The following ACVR1C variants were observed in gnomAD, a reference collection of about 807,000 sequenced individuals.
ACVR1C encodes the protein activin receptor type-1C.
A neutral mutation model predicts 57.9 loss-of-function variants in ACVR1C; 23 were observed. That is an observed-to-expected ratio of 0.40 (90% CI 0.29 to 0.56). The LOEUF is 0.56. Among genes scored for constraint, ACVR1C ranks in the 20% least tolerant of loss-of-function variants. ACVR1C has a pLI of 0.50. For synonymous variants in ACVR1C, 214 were observed against 215.3 expected, an observed-to-expected ratio of 0.99 and a Z score of 0.05; for missense variants, 480 against 607.9, an observed-to-expected ratio of 0.79 and a Z score of 2.21.
chr2:157,542,833 T>G lies in ACVR1C; in HGVS notation c.973A>C (p.Lys325Gln). 1 of 1,614,126 alleles carries G rather than the reference T, an allele frequency of 6.2e-7. No homozygotes were observed. Among genetic ancestry groups the G allele is most frequent in the Non-Finnish European group, 8.5e-7 (1 of 1,179,980 alleles). The change falls in exon 6 of 9, where the codon AAA becomes CAA. Residue 325 changes from lysine (K) to glutamine (Q), a missense_variant. Transcript: ENST00000243349. ...TTTTTCACTAAGATATTCTTTGATT[T>G]TATGTCTCGATGAGCAATAGCAGGT... ...GKPAIAHRDI[K>Q]SKNILVKKCE...
intron 2 of ACVR1C, among the ~76,000 whole-genome samples, chr2:157,556,657 CT>C (rs1169628343): frequency 0.047 from 4,159 of 87,950 alleles, 48 homozygotes; most frequent in African/African-American, 0.12. Flanking sequence ...CAGCAGTACA[CT>C]TTTTTTTTTT....
chr2:157,615,714 T>C (rs886673223), intron 1 of ACVR1C, among the ~76,000 whole-genome samples: 12 of 152,148 alleles, frequency 7.9e-5, no homozygotes, highest in African/African-American at 2.4e-4. Flanking sequence ...TCATGTAGTA[T>C]GGAATATTGG....
chr2:157,628,004 A>G (rs1260655377), intron 1 of ACVR1C, among the ~76,000 whole-genome samples: 2 of 152,232 alleles, frequency 1.3e-5, no homozygotes, highest in Non-Finnish European at 2.9e-5. Flanking sequence ...CCTCGAAAGC[A>G]ATGTGCGTTG....
At chr2:157,598,067 G>A (rs1361619466) in intron 1 of ACVR1C, among the ~76,000 whole-genome samples, 1 of 151,882 alleles carries the variant, frequency 6.6e-6, no homozygotes, top group Non-Finnish European at 1.5e-5. Context: ...TTATATTTAT[G>A]CTCACATAAA....
chr2:157,588,848 C>CATATATATATATATGTATATAT (rs1553484218), intron 1 of ACVR1C, among the ~76,000 whole-genome samples: 6 of 89,094 alleles, frequency 6.7e-5, no homozygotes, highest in Admixed American at 2.3e-4. Context: ...ACAAACACAC[C>CATATATATATATATGTATATAT]ATATATATAT....
chr2:157,604,944 T>C (rs1049720594), intron 1 of ACVR1C, among the ~76,000 whole-genome samples: 1 of 151,984 alleles, frequency 6.6e-6, no homozygotes, highest in Admixed American at 6.5e-5. Flanking sequence ...GATCATGCTT[T>C]TAGTACCCTC....
Position 157,556,168 on chromosome 2 carries a change from C to T in ACVR1C, c.469G>A (p.Glu157Lys). ...TTTCCAGCATTTACCAGATTGCACT[C>T]AGAGAGTGGTTCCTCCACATTTGGT... ...KRPNVEEPLS[E>K]CNLVNAGKTL... The change falls in exon 3 of 9, where the codon GAG becomes AAG. Residue 157 changes from glutamate to lysine, a missense_variant. By Grantham distance (56) the Glu-to-Lys change is moderately conservative (BLOSUM62 1). Coordinates refer to ENST00000243349, the MANE Select transcript of ACVR1C (RefSeq NM_145259.3). 6.2e-7 allele frequency: 1 copy of T among 1,614,080 alleles called. No individual in the cohort carries two copies. Among genetic ancestry groups the T allele is most frequent in the Non-Finnish European group, 8.5e-7 (1 of 1,179,970 alleles).
At chr2:157,544,395 C>A in intron 5 of ACVR1C, 50 bp downstream of exon 5, 1 of 1,518,392 alleles carries the variant, frequency 6.6e-7, no homozygotes, top group Admixed American at 2.0e-5. Flanking sequence ...TAACTAAGTA[C>A]CTCTATCCTC....
chr2:157,537,318 A>G (rs1687514770), intron 8 of ACVR1C, among the ~76,000 whole-genome samples: 1 of 151,970 alleles, frequency 6.6e-6, no homozygotes, highest in Admixed American at 6.6e-5. Flanking sequence ...CAAACCTGGT[A>G]GTGGATTCAC....
intron 2 of ACVR1C, among the ~76,000 whole-genome samples, chr2:157,562,293 CA>C (rs770478516): frequency 0.065 from 8,115 of 125,070 alleles, 363 homozygotes; most frequent in East Asian, 0.22. Context: ...GACACCGTCT[CA>C]AAAAAAAAAA....
intron 1 of ACVR1C, among the ~76,000 whole-genome samples, chr2:157,610,385 A>T (rs1573954005): frequency 1.3e-5 from 2 of 152,218 alleles, no homozygotes; most frequent in Admixed American, 1.3e-4. Flanking sequence ...CTTGTGGCCT[A>T]TAAGGTTTCT....
At chr2:157,581,225 AAAC>A (rs1187615906) in intron 2 of ACVR1C, among the ~76,000 whole-genome samples, 2 of 152,236 alleles carry the variant, frequency 1.3e-5, no homozygotes, top group Non-Finnish European at 2.9e-5. Flanking sequence ...AATCATTAAA[AAAC>A]ACAAGGAAAG....
At chr2:157,623,544 A>C (rs1682832168) in intron 1 of ACVR1C, among the ~76,000 whole-genome samples, 1 of 152,018 alleles carries the variant, frequency 6.6e-6, no homozygotes, top group East Asian at 1.9e-4. Context: ...TATTTGTGGG[A>C]TCTAAAAATC....
intron 1 of ACVR1C, among the ~76,000 whole-genome samples, chr2:157,607,735 G>A (rs1558995477): frequency 6.6e-6 from 1 of 151,408 alleles, no homozygotes; most frequent in Non-Finnish European, 1.5e-5. Flanking sequence ...AAATGAGATT[G>A]CCTTCCTGAT....
At chr2:157,613,045 G>A (rs972815331) in intron 1 of ACVR1C, among the ~76,000 whole-genome samples, 1 of 151,910 alleles carries the variant, frequency 6.6e-6, no homozygotes, top group African/African-American at 2.4e-5. Context: ...TACAGGTAGA[G>A]GAGCTCTCCC....
intron 1 of ACVR1C, among the ~76,000 whole-genome samples, chr2:157,607,029 T>C (rs1558995251): frequency 6.6e-6 from 1 of 151,888 alleles, no homozygotes; most frequent in Non-Finnish European, 1.5e-5. Context: ...CTTCTGCATA[T>C]AATTATCCAC....
intron 2 of ACVR1C, among the ~76,000 whole-genome samples, chr2:157,578,861 AT>A (rs1190636608): frequency 1.3e-5 from 2 of 152,182 alleles, no homozygotes; most frequent in Non-Finnish European, 2.9e-5. Context: ...ATTCAACTTA[AT>A]TGAATTTAAT....
chr2:157,542,057 A>G (rs1687638435), intron 6 of ACVR1C, among the ~76,000 whole-genome samples: 1 of 152,176 alleles, frequency 6.6e-6, no homozygotes, highest in Non-Finnish European at 1.5e-5. Context: ...TGTGTGGTAT[A>G]TGTTGTTACT....
At chr2:157,623,402 C>T (rs1682828235) in intron 1 of ACVR1C, among the ~76,000 whole-genome samples, 1 of 152,106 alleles carries the variant, frequency 6.6e-6, no homozygotes, top group Admixed American at 6.5e-5. Context: ...GGTATATATA[C>T]ACAATGGAGT....
Sources: allele counts gnomAD v4.1 joint callset (sites outside exome capture counted in the v4.1 genomes callset), GRCh38; gene constraint gnomAD v4.1.1; transcripts MANE v1.5; gene names NCBI Gene and HGNC (gene_info 2026-07-23, HGNC 2026-07-21).